The following TENM2 variants were observed in gnomAD, a reference collection of about 807,000 sequenced individuals.
The protein encoded by TENM2 is teneurin-2.
Under a neutral mutation model 245.2 loss-of-function variants are expected in TENM2, and 52 were observed. That is an observed-to-expected ratio of 0.21 (90% CI 0.17 to 0.27). TENM2 has a LOEUF of 0.27. Among genes scored for constraint, TENM2 ranks in the 10% least tolerant of loss-of-function variants. The probability of loss-of-function intolerance (pLI) is 1.00; values close to 1 mark genes in which losing one functional copy is unlikely to be tolerated. For synonymous variants in TENM2, 1,363 were observed against 1,438.9 expected (o/e 0.95, Z 1.19); for missense variants, 3,046 against 3,666.8 (o/e 0.83, Z 4.37).
chr5:166,996,437 C>T, the TENM2 span, among the ~76,000 whole-genome samples: 1 of 152,220 alleles, frequency 6.6e-6, no homozygotes, highest in Non-Finnish European at 1.5e-5. Context: ...ATAAAGTTTA[C>T]TGGAATATGA....
At chr5:168,185,774 C>T (rs964071065) in intron 13 of TENM2, among the ~76,000 whole-genome samples, 2 of 151,380 alleles carry the variant, frequency 1.3e-5, no homozygotes, top group Non-Finnish European at 2.9e-5. Context: ...ATAGCCTACA[C>T]CAGTGGATGA....
chr5:167,952,771 T>G, exon 4 of TENM2: 1 of 1,577,374 alleles, frequency 6.3e-7, no homozygotes, highest in Non-Finnish European at 8.6e-7. Context: ...CCAGAGTCCG[T>G]TCAGCTTCAG....
At chr5:167,475,783 A>T (rs1005828412) in intron 2 of TENM2, among the ~76,000 whole-genome samples, 4 of 152,098 alleles carry the variant, frequency 2.6e-5, no homozygotes, top group South Asian at 4.1e-4. Context: ...TTTGCTGAGG[A>T]TGATGACTTC....
At chr5:167,059,071 C>T in the TENM2 span, among the ~76,000 whole-genome samples, 16 of 152,182 alleles carry the variant, frequency 1.1e-4, no homozygotes, top group African/African-American at 3.9e-4. Context: ...ACTAAGGGTA[C>T]TGCAAACTGA....
chr5:167,640,876 T>C (rs537328746), intron 2 of TENM2, among the ~76,000 whole-genome samples: 3 of 56,356 alleles, frequency 5.3e-5, no homozygotes, highest in African/African-American at 4.9e-4. Context: ...TATATATATA[T>C]ATATATATAT....
chr5:167,769,075 C>A (rs1173756839), intron 2 of TENM2, among the ~76,000 whole-genome samples: 7 of 152,188 alleles, frequency 4.6e-5, no homozygotes, highest in African/African-American at 1.7e-4. Context: ...AAAAAGGTAA[C>A]TTTCATGATC....
intron 2 of TENM2, among the ~76,000 whole-genome samples, chr5:167,730,731 CT>C (rs1212562398): frequency 6.6e-6 from 1 of 152,076 alleles, no homozygotes; most frequent in African/African-American, 2.4e-5. Context: ...CAAAAGCTGG[CT>C]TTTTTTATTG....
intron 6 of TENM2, among the ~76,000 whole-genome samples, chr5:168,051,898 A>G (rs996140823): frequency 1.1e-4 from 17 of 152,194 alleles, no homozygotes; most frequent in African/African-American, 4.1e-4. Context: ...TCATCTTTAC[A>G]TCTCTCAGCT....
intron 2 of TENM2, among the ~76,000 whole-genome samples, chr5:167,376,442 T>C (rs1480892876): frequency 6.6e-6 from 1 of 152,186 alleles, no homozygotes; most frequent in Non-Finnish European, 1.5e-5. Flanking sequence ...GCTTTAAGTA[T>C]TTCCTTTCAT....
chr5:167,494,081 A>G (rs1485132757), intron 2 of TENM2, among the ~76,000 whole-genome samples: 1 of 152,132 alleles, frequency 6.6e-6, no homozygotes, highest in Non-Finnish European at 1.5e-5. Flanking sequence ...GTAGAATTTA[A>G]TGATCCATCC....
At chr5:167,143,554 C>G in the TENM2 span, among the ~76,000 whole-genome samples, 1 of 152,112 alleles carries the variant, frequency 6.6e-6, no homozygotes, top group Non-Finnish European at 1.5e-5. Flanking sequence ...TAACAGTAAA[C>G]TCTTTCTTGT....
chr5:167,737,851 T>G (rs1760908353), intron 2 of TENM2, among the ~76,000 whole-genome samples: 1 of 152,204 alleles, frequency 6.6e-6, no homozygotes, highest in Non-Finnish European at 1.5e-5. Flanking sequence ...AAATGAGACC[T>G]CTGCTTAAAG....
At chr5:167,551,159 A>G (rs1281378535) in intron 2 of TENM2, among the ~76,000 whole-genome samples, 1 of 152,202 alleles carries the variant, frequency 6.6e-6, no homozygotes, top group Non-Finnish European at 1.5e-5. Flanking sequence ...TCCATGAAGT[A>G]TGTGTACCTC....
At chr5:167,673,956 G>A (rs1467959917) in intron 2 of TENM2, among the ~76,000 whole-genome samples, 2 of 152,108 alleles carry the variant, frequency 1.3e-5, no homozygotes, top group African/African-American at 4.8e-5. Flanking sequence ...GTGAGAGGCT[G>A]TGTAGAATAA....
intron 2 of TENM2, among the ~76,000 whole-genome samples, chr5:167,491,596 G>A (rs558145972): frequency 2.6e-5 from 4 of 152,192 alleles, no homozygotes; most frequent in South Asian, 2.1e-4. Flanking sequence ...AAGGTTGTCC[G>A]CTGTTACCCA....
intron 2 of TENM2, among the ~76,000 whole-genome samples, chr5:167,541,102 G>T (rs1160277765): frequency 6.6e-6 from 1 of 152,160 alleles, no homozygotes; most frequent in Non-Finnish European, 1.5e-5. Context: ...CTAGAGATTT[G>T]TGCTTCTAAT....
chr5:167,369,114 C>T (rs1760248060), intron 1 of TENM2, among the ~76,000 whole-genome samples: 1 of 152,142 alleles, frequency 6.6e-6, no homozygotes, highest in African/African-American at 2.4e-5. Flanking sequence ...TTGCAGGTTT[C>T]TCTAGCACCA....
chr5:167,894,471 G>T (rs1317308956), intron 3 of TENM2, among the ~76,000 whole-genome samples: 1 of 145,372 alleles, frequency 6.9e-6, no homozygotes, highest in Non-Finnish European at 1.5e-5. Context: ...TCTGTGACTA[G>T]ACTTCTTTGC....
chr5:167,155,641 G>T, the TENM2 span, among the ~76,000 whole-genome samples: 1 of 152,194 alleles, frequency 6.6e-6, no homozygotes, highest in African/African-American at 2.4e-5. Flanking sequence ...AGTGTTCCGC[G>T]CTAGGAGCTA....
Sources: allele counts gnomAD v4.1 joint callset (sites outside exome capture counted in the v4.1 genomes callset), GRCh38; gene constraint gnomAD v4.1.1; transcripts MANE v1.5; gene names NCBI Gene and HGNC (gene_info 2026-07-23, HGNC 2026-07-21).